Variants in DPF3 observed in about 807,000 individuals in gnomAD.
DPF3 encodes zinc finger protein DPF3.
A neutral mutation model predicts 56.8 loss-of-function variants in DPF3; 18 were observed. The observed-to-expected ratio is 0.32, with a 90% CI of 0.22 to 0.47. The LOEUF is 0.47. Among genes scored for constraint, DPF3 ranks in the 20% least tolerant of loss-of-function variants. The pLI, the probability that DPF3 is intolerant of heterozygous loss-of-function variation, is 1.00. For missense variants in DPF3, 403 were observed against 488.8 expected (o/e 0.82, Z 1.65); for synonymous variants, 188 against 180.2 (o/e 1.04, Z -0.35).
intron 2 of DPF3, among the ~76,000 whole-genome samples, chr14:72,757,189 T>A (rs1315625782): frequency 6.6e-6 from 1 of 152,128 alleles, no homozygotes; most frequent in Non-Finnish European, 1.5e-5. Flanking sequence ...AGTAGTTTCA[T>A]CTTTCCCCAT....
chr14:72,716,428 A>G (rs749274418), intron 5 of DPF3, among the ~76,000 whole-genome samples: 17 of 152,068 alleles, frequency 1.1e-4, no homozygotes, highest in Middle Eastern at 3.2e-3. Flanking sequence ...CAGGTTTGGA[A>G]ACTCAGAATC....
chr14:72,746,105 G>A (rs1890313296), intron 3 of DPF3, among the ~76,000 whole-genome samples: 1 of 152,186 alleles, frequency 6.6e-6, no homozygotes. Context: ...CCCCCCAGGG[G>A]GCACCACCCT....
intron 7 of DPF3, among the ~76,000 whole-genome samples, chr14:72,682,278 T>C (rs1280443511): frequency 1.3e-5 from 2 of 151,208 alleles, no homozygotes; most frequent in Non-Finnish European, 2.9e-5. Flanking sequence ...GAGATGAATA[T>C]CTCATTACGT....
intron 1 of DPF3, among the ~76,000 whole-genome samples, chr14:72,815,563 C>T (rs1169808774): frequency 6.6e-6 from 1 of 152,244 alleles, no homozygotes; most frequent in East Asian, 1.9e-4. Flanking sequence ...ATGGCCAAAA[C>T]TTGGGAACAC....
At chr14:72,718,843 G>A (rs12431636) in intron 5 of DPF3, among the ~76,000 whole-genome samples, 42,605 of 135,966 alleles carry the variant, frequency 0.31, 6,778 homozygotes, top group East Asian at 0.48. Flanking sequence ...TCGGCTCACT[G>A]CAACCTCCGC....
At chr14:72,677,316 T>A (rs1407228591) in intron 7 of DPF3, among the ~76,000 whole-genome samples, 1 of 152,232 alleles carries the variant, frequency 6.6e-6, no homozygotes, top group African/African-American at 2.4e-5. Context: ...CATCCTTCCA[T>A]TGTGGTCAGA....
chr14:72,665,730 C>T (rs1886416152), intron 8 of DPF3, among the ~76,000 whole-genome samples: 2 of 152,188 alleles, frequency 1.3e-5, no homozygotes, highest in African/African-American at 4.8e-5. Flanking sequence ...AAAAAGGACA[C>T]TAGTGAGACA....
At chr14:72,660,848 T>C (rs534228910) in intron 8 of DPF3, among the ~76,000 whole-genome samples, 13 of 152,332 alleles carry the variant, frequency 8.5e-5, no homozygotes, top group African/African-American at 2.6e-4. Context: ...TTGTTCACTT[T>C]CCAGGCCACC....
intron 6 of DPF3, among the ~76,000 whole-genome samples, chr14:72,699,247 T>TG: frequency 6.6e-6 from 1 of 152,186 alleles, no homozygotes; most frequent in Middle Eastern, 3.4e-3. Context: ...GGGTTGAGTG[T>TG]GGTGGCTCAT....
intron 1 of DPF3, among the ~76,000 whole-genome samples, chr14:72,785,740 C>T (rs546196323): frequency 7.9e-5 from 12 of 152,276 alleles, no homozygotes; most frequent in African/African-American, 2.6e-4. Context: ...ATGGGGCTTC[C>T]TGAAAATATG....
chr14:72,620,380 G>A (rs1454806107), intron 9 of DPF3, among the ~76,000 whole-genome samples: 1 of 152,166 alleles, frequency 6.6e-6, no homozygotes, highest in African/African-American at 2.4e-5. Flanking sequence ...GATCTTAATT[G>A]AATTCTTCTG....
At chr14:72,805,745 C>G (rs1369338506) in intron 1 of DPF3, among the ~76,000 whole-genome samples, 1 of 152,058 alleles carries the variant, frequency 6.6e-6, no homozygotes, top group Non-Finnish European at 1.5e-5. Flanking sequence ...ACTTGGGAGG[C>G]CTGGGTATTA....
intron 1 of DPF3, among the ~76,000 whole-genome samples, chr14:72,801,457 T>C (rs2140001717): frequency 6.6e-6 from 1 of 152,268 alleles, no homozygotes; most frequent in Middle Eastern, 3.4e-3. Flanking sequence ...CTCAAGGAGG[T>C]AACTGGTGAG....
intron 8 of DPF3, among the ~76,000 whole-genome samples, chr14:72,668,801 A>G (rs967055030): frequency 3.3e-5 from 5 of 152,246 alleles, no homozygotes; most frequent in African/African-American, 1.2e-4. Flanking sequence ...TTAACATAGA[A>G]GCTCACATTT....
At chr14:72,786,992 G>C (rs1599440890) in intron 1 of DPF3, among the ~76,000 whole-genome samples, 1 of 152,254 alleles carries the variant, frequency 6.6e-6, no homozygotes, top group East Asian at 1.9e-4. Flanking sequence ...TGCTGAGGCA[G>C]CTGAAGACTT....
Position 72,785,242 on chromosome 14 carries a change from C to A in DPF3, c.33-13349G>T, listed in dbSNP as rs117395918. 4.3e-3 allele frequency among the ~76,000 whole-genome samples: 652 copies of A among 152,324 alleles called. 11 individuals are homozygous for A. The East Asian group carries it at 0.046, about 11-fold the overall frequency. Reference sequence around the variant, plus strand: ...AGTGGCATAGCTAATATTTATTGAGCATTTACTATGTGTGCCAGGCACTGT... The same window carrying A: ...AGTGGCATAGCTAATATTTATTGAGAATTTACTATGTGTGCCAGGCACTGT... On this transcript the variant is annotated intron_variant, in intron 1 of 10. Coordinates refer to ENST00000556509, the MANE Select transcript of DPF3 (RefSeq NM_001280542.3).
At chr14:72,852,702 C>G (rs913642240) in intron 1 of DPF3, among the ~76,000 whole-genome samples, 2 of 152,228 alleles carry the variant, frequency 1.3e-5, no homozygotes, top group African/African-American at 4.8e-5. Flanking sequence ...GTTATAAAAA[C>G]AGCCCACTAT....
chr14:72,665,492 C>T (rs1185267808), intron 8 of DPF3, among the ~76,000 whole-genome samples: 1 of 152,212 alleles, frequency 6.6e-6, no homozygotes, highest in Non-Finnish European at 1.5e-5. Context: ...TGATGTAATG[C>T]ACTGAGAAGG....
At chr14:72,671,016 A>G (rs1229901682) in intron 8 of DPF3, 2 of 1,466,224 alleles carry the variant, frequency 1.4e-6, no homozygotes, top group African/African-American at 1.4e-5. Flanking sequence ...AGGGAAAAAA[A>G]GCAAGGATAG....
Sources: gnomAD v4.1 joint callset for allele counts (sites outside exome capture counted in the v4.1 genomes callset) on GRCh38, gnomAD v4.1.1 for gene constraint, MANE v1.5 for transcripts, NCBI Gene and HGNC (gene_info 2026-07-23, HGNC 2026-07-21) for gene names.